The following YME1L1 variants were observed in gnomAD, a reference collection of about 807,000 sequenced individuals.
The protein encoded by YME1L1 is YME1 like 1 ATPase, also known as ATP-dependent zinc metalloprotease YME1L1.
Under a neutral mutation model 90.4 loss-of-function variants are expected in YME1L1, and 39 were observed. The observed-to-expected ratio is 0.43, with a 90% CI of 0.33 to 0.56. The LOEUF (loss-of-function observed/expected upper bound fraction) is 0.56. Ranked by LOEUF, YME1L1 falls within the 20% of genes least tolerant of loss-of-function variation. YME1L1 has a pLI of 0.03. For synonymous variants in YME1L1, 284 were observed against 287.3 expected (o/e 0.99, Z 0.12); for missense variants, 617 against 868.4 (o/e 0.71, Z 3.64).
rs369219667 is a variant in YME1L1 at position 27,145,460 on chromosome 10, A to G, written c.299T>C (p.Val100Ala). ...ATTTTCAAAGAAGGATTGTGCAGAG[A>G]CATGGGATGTATGCCAATGGGAAGA... ...NISSHWHTSH[V>A]SAQSFFENKY... is the part of the protein sequence containing the mutation. The change falls in exon 3 of 19, where the codon GTC becomes GCC. Residue 100 changes from valine to alanine, a missense_variant. By Grantham distance (64) the Val-to-Ala change is moderately conservative. This residue lies in a region of YME1L1 where 311 missense variants were observed against 335.8 expected (regional missense o/e 0.93). Coordinates refer to ENST00000376016, the MANE Select transcript of YME1L1 (RefSeq NM_014263.4). The G allele has an allele frequency of 1.1e-5, 18 of 1,613,062 alleles. No individual in the cohort carries two copies. Among genetic ancestry groups the G allele is most frequent in the Non-Finnish European group, 1.4e-5 (16 of 1,179,386 alleles).
intron 13 of YME1L1, among the ~76,000 whole-genome samples, 186 bp from the exon 14 acceptor site, chr10:27,119,635 C>T (rs1303592554): frequency 6.6e-6 from 1 of 151,986 alleles, no homozygotes; most frequent in African/African-American, 2.4e-5. Context: ...ATGGTGAAAC[C>T]CCATCTCTAC....
chr10:27,133,238 G>C (rs2056994089), intron 7 of YME1L1, among the ~76,000 whole-genome samples: 1 of 151,880 alleles, frequency 6.6e-6, no homozygotes, highest in Admixed American at 6.6e-5. Flanking sequence ...CATTAAGTCT[G>C]ACAAGCAAGA....
chr10:27,111,933 T>C lies in YME1L1; in HGVS notation c.*44A>G, dbSNP rs2056762935. 6.2e-7 allele frequency: 1 copy of C among 1,611,242 alleles called. No individual in the cohort carries two copies. The highest frequency in any genetic ancestry group is 8.5e-7 in the Non-Finnish European group (1 of 1,177,904). On this transcript the variant is annotated 3_prime_UTR_variant, in exon 19 of 19. Transcript: ENST00000376016. ...AAGTAGACTACTGCAATGCTACTTG[T>C]ATTCTTGCAATAAAACCAGCAAGCA...
intron 8 of YME1L1, among the ~76,000 whole-genome samples, chr10:27,129,707 A>G (rs970187925): frequency 7.8e-6 from 1 of 128,298 alleles, no homozygotes; most frequent in African/African-American, 3.2e-5. Flanking sequence ...TCACATTTGG[A>G]AAAGATAAAA....
chr10:27,119,841 C>A (rs1456757071), intron 13 of YME1L1, among the ~76,000 whole-genome samples: 1 of 150,992 alleles, frequency 6.6e-6, no homozygotes, highest in East Asian at 1.9e-4. Context: ...AAACACCTCA[C>A]ATTCCAAGGG....
intron 18 of YME1L1, among the ~76,000 whole-genome samples, chr10:27,113,371 T>C (rs1029578292): frequency 5.4e-5 from 8 of 148,838 alleles, no homozygotes; most frequent in African/African-American, 9.9e-5. Context: ...AAATTCAACA[T>C]ACATAATACT....
At chr10:27,143,809 T>C (rs567149488) in intron 3 of YME1L1, among the ~76,000 whole-genome samples, 1 of 152,190 alleles carries the variant, frequency 6.6e-6, no homozygotes, top group African/African-American at 2.4e-5. Context: ...AAAGCTCTAA[T>C]GGTATAATAA....
Position 27,117,713 on chromosome 10 carries a change from T to C in YME1L1, c.1582A>G (p.Ser528Gly), listed in dbSNP as rs1420959879. The change falls in exon 15 of 19, where the codon AGT becomes GGT. Residue 528 changes from serine to glycine, a missense_variant. Physicochemically the swap from Ser to Gly is moderately conservative, Grantham distance 56 (BLOSUM62 0). Coordinates refer to ENST00000376016, the MANE Select transcript of YME1L1 (RefSeq NM_014263.4). ...DKILMGPERR[S>G]VEIDNKNKTI... ...TTGTTTTTGTTATCAATTTCCACACTTCTTCTTTCAGGCCCTAAGATAAAT... is the reference window on the plus strand; with the variant it reads ...TTGTTTTTGTTATCAATTTCCACACCTCTTCTTTCAGGCCCTAAGATAAAT... 6.2e-7 allele frequency: 1 copy of C among 1,614,114 alleles called. No individual in the cohort carries two copies. The highest frequency in any genetic ancestry group is 8.5e-7 in the Non-Finnish European group (1 of 1,179,980).
Position 27,147,646 on chromosome 10 carries a change from G to A in YME1L1, c.168+1260C>T, listed in dbSNP as rs1465771134. 18 of 1,551,478 alleles carry A rather than the reference G, an allele frequency of 1.2e-5. No homozygotes were observed. The highest frequency in any genetic ancestry group is 9.8e-5 in the East Asian group (4 of 40,948). Reference sequence around the variant, plus strand: ...GCCAATTGAAACAATGTTAAGCTTCGTCAGGAAGTCACTGAACATACACTG... The same window carrying A: ...GCCAATTGAAACAATGTTAAGCTTCATCAGGAAGTCACTGAACATACACTG... On this transcript the variant is annotated intron_variant, in intron 2 of 18. Transcript: ENST00000376016.
intron 14 of YME1L1, 59 bp from the exon 15 acceptor site, chr10:27,117,786 A>C (rs2056828641): frequency 6.4e-7 from 1 of 1,561,724 alleles, no homozygotes; most frequent in Non-Finnish European, 8.8e-7. Flanking sequence ...AATCAACAAA[A>C]CACATTCTTG....
At chr10:27,119,646 TA>T (rs2056846829) in intron 13 of YME1L1, among the ~76,000 whole-genome samples, 197 bp from the exon 14 acceptor site, 1 of 151,992 alleles carries the variant, frequency 6.6e-6, no homozygotes. Flanking sequence ...CCATCTCTAC[TA>T]AAAATACAAA....
At chr10:27,153,911 T>C (rs1162776151) in intron 1 of YME1L1, among the ~76,000 whole-genome samples, 3 of 151,846 alleles carry the variant, frequency 2.0e-5, no homozygotes, top group Non-Finnish European at 4.4e-5. Context: ...TAGCAGAAAT[T>C]CCACGCAATC....
intron 4 of YME1L1, among the ~76,000 whole-genome samples, chr10:27,137,785 AT>A (rs1349738178): frequency 6.6e-6 from 1 of 151,878 alleles, no homozygotes; most frequent in Non-Finnish European, 1.5e-5. Context: ...TCCTTTGCAC[AT>A]TTTTCCATTT....
intron 5 of YME1L1, among the ~76,000 whole-genome samples, chr10:27,135,227 A>C (rs185647692): frequency 1.8e-3 from 270 of 152,306 alleles, no homozygotes; most frequent in Non-Finnish European, 3.0e-3. Context: ...ACTACACTGA[A>C]AACAGGTCAC....
intron 2 of YME1L1, among the ~76,000 whole-genome samples, chr10:27,147,962 C>G (rs2057164522): frequency 6.6e-6 from 1 of 152,178 alleles, no homozygotes; most frequent in Non-Finnish European, 1.5e-5. Flanking sequence ...AGCAACTTTT[C>G]TACCATTCAG....
chr10:27,152,737 T>A (rs1057099705), intron 1 of YME1L1, among the ~76,000 whole-genome samples: 4 of 152,076 alleles, frequency 2.6e-5, no homozygotes, highest in Non-Finnish European at 5.9e-5. Context: ...ATCTCTCTGA[T>A]CTCTCATGCA....
intron 3 of YME1L1, among the ~76,000 whole-genome samples, chr10:27,142,755 G>A (rs765590078): frequency 1.2e-4 from 18 of 151,906 alleles, no homozygotes; most frequent in Non-Finnish European, 2.4e-4. Context: ...CCGCTCTGTC[G>A]CCCAGGCTGG....
At chr10:27,145,816 C>A in intron 2 of YME1L1, 1 of 312,704 alleles carries the variant, frequency 3.2e-6, no homozygotes. Flanking sequence ...CTAATGGTAT[C>A]CTTAAATAAA....
chr10:27,117,480 A>G, intron 15 of YME1L1, 96 bp downstream of exon 15: 1 of 1,318,162 alleles, frequency 7.6e-7, no homozygotes, highest in Non-Finnish European at 1.1e-6. Context: ...AGGTGAAAGA[A>G]TCGTTTGAAT....
Sources: gnomAD v4.1 joint callset for allele counts (sites outside exome capture counted in the v4.1 genomes callset) on GRCh38, gnomAD v4.1.1 for gene constraint, gnomAD v4.1.1 regional missense constraint, MANE v1.5 for transcripts, NCBI Gene and HGNC (gene_info 2026-07-23, HGNC 2026-07-21) for gene names.